Variants in DLC1 observed in about 807,000 individuals in gnomAD.
The protein encoded by DLC1 is rho GTPase-activating protein 7.
DLC1 carries 54 observed loss-of-function variants against 140.3 expected under a neutral mutation model. The ratio of observed to expected loss-of-function variants is 0.38; its 90% confidence interval spans 0.31 to 0.48. The LOEUF (loss-of-function observed/expected upper bound fraction) is 0.48. DLC1 is among the 20% of genes least tolerant of loss of function. The probability of loss-of-function intolerance (pLI) is 0.96; values close to 1 mark genes in which losing one functional copy is unlikely to be tolerated. For synonymous variants in DLC1, 986 were observed against 728.1 expected (o/e 1.35, Z -5.70); for missense variants, 2,536 against 1,907.0 (o/e 1.33, Z -6.14).
intron 1 of DLC1, among the ~76,000 whole-genome samples, chr8:13,551,165 G>T (rs557422969): frequency 6.8e-6 from 1 of 147,952 alleles, no homozygotes; most frequent in Non-Finnish European, 1.5e-5. Context: ...CCCTTACTTT[G>T]CAAAACTATA....
intron 2 of DLC1, among the ~76,000 whole-genome samples, chr8:13,404,443 G>C (rs1354294547): frequency 2.0e-5 from 3 of 152,110 alleles, no homozygotes; most frequent in Non-Finnish European, 4.4e-5. Flanking sequence ...GGGGTAGGGG[G>C]CCAGAAGGAT....
At chr8:13,467,311 A>G (rs1585158018) in intron 2 of DLC1, among the ~76,000 whole-genome samples, 1 of 152,288 alleles carries the variant, frequency 6.6e-6, no homozygotes, top group East Asian at 1.9e-4. Context: ...AGTTGAAGAG[A>G]GACAATGATA....
At chr8:13,390,936 G>T (rs956479460) in intron 4 of DLC1, among the ~76,000 whole-genome samples, 32 of 145,986 alleles carry the variant, frequency 2.2e-4, no homozygotes, top group African/African-American at 7.9e-4. Flanking sequence ...AGTGAGCTGA[G>T]ATTGCACCAC....
At chr8:13,163,849 A>G (rs1824901121) in intron 5 of DLC1, among the ~76,000 whole-genome samples, 1 of 151,754 alleles carries the variant, frequency 6.6e-6, no homozygotes, top group African/African-American at 2.4e-5. Context: ...CAACAGAATA[A>G]CCCCAAAATT....
At chr8:13,442,233 C>G (rs982464774) in intron 2 of DLC1, among the ~76,000 whole-genome samples, 1 of 152,138 alleles carries the variant, frequency 6.6e-6, no homozygotes, top group Non-Finnish European at 1.5e-5. Flanking sequence ...AAATGTTAGA[C>G]CTAAAACCCT....
chr8:13,546,818 T>C (rs971683712), intron 1 of DLC1, among the ~76,000 whole-genome samples: 2 of 152,122 alleles, frequency 1.3e-5, no homozygotes, highest in African/African-American at 4.8e-5. Context: ...CACTCATCAA[T>C]CACGGTTTCT....
intron 1 of DLC1, among the ~76,000 whole-genome samples, chr8:13,598,917 TA>T (rs989513469): frequency 1.3e-5 from 2 of 151,592 alleles, no homozygotes; most frequent in Non-Finnish European, 2.9e-5. Flanking sequence ...TTATTCTAAA[TA>T]AAAAAATGAA....
intron 12 of DLC1, 101 bp downstream of exon 12, chr8:13,094,658 T>C: frequency 7.5e-7 from 1 of 1,335,470 alleles, no homozygotes. Flanking sequence ...AGAGCGAGAC[T>C]CCATCTCAAA....
At chr8:13,209,053 TTTTCTAACTAGATTC>T (rs1306855366) in intron 5 of DLC1, among the ~76,000 whole-genome samples, 24 of 152,268 alleles carry the variant, frequency 1.6e-4, no homozygotes, top group African/African-American at 5.8e-4. Flanking sequence ...TGACTTTGAT[TTTTCTAACTAGATTC>T]TTTCTAAAGC....
intron 1 of DLC1, among the ~76,000 whole-genome samples, chr8:13,571,426 G>C (rs982877597): frequency 1.3e-5 from 2 of 152,098 alleles, no homozygotes; most frequent in African/African-American, 4.8e-5. Flanking sequence ...CTATAAATTT[G>C]CTTATTTGAG....
intron 4 of DLC1, among the ~76,000 whole-genome samples, chr8:13,361,232 A>T (rs1373516502): frequency 1.2e-4 from 19 of 152,076 alleles, no homozygotes; most frequent in Non-Finnish European, 1.5e-5. Flanking sequence ...ACCTTGTCTC[A>T]GAAAAACAAT....
chr8:13,374,586 C>A (rs1223932852), intron 4 of DLC1, among the ~76,000 whole-genome samples: 2 of 152,114 alleles, frequency 1.3e-5, no homozygotes, highest in African/African-American at 4.8e-5. Context: ...AGTTTGAGAC[C>A]CGCGTGGCCA....
At chr8:13,275,772 C>A (rs2117402313) in intron 5 of DLC1, among the ~76,000 whole-genome samples, 1 of 152,294 alleles carries the variant, frequency 6.6e-6, no homozygotes, top group Middle Eastern at 3.4e-3. Context: ...AGAGGAAATA[C>A]CAGCAGGCTT....
intron 5 of DLC1, among the ~76,000 whole-genome samples, chr8:13,226,768 C>T (rs1208054921): frequency 1.3e-5 from 2 of 152,312 alleles, no homozygotes; most frequent in Admixed American, 6.5e-5. Flanking sequence ...TGCCACACAT[C>T]ACTGTAAGTT....
At chr8:13,519,166 C>T (rs1296498566), upstream of DLC1, among the ~76,000 whole-genome samples, 7 of 142,942 alleles carry the variant, frequency 4.9e-5, no homozygotes, top group African/African-American at 1.0e-4. Flanking sequence ...CTCACTCTGT[C>T]GCCCAGGATG....
chr8:13,235,447 C>G (rs556890802), intron 5 of DLC1, among the ~76,000 whole-genome samples: 65 of 152,178 alleles, frequency 4.3e-4, no homozygotes, highest in African/African-American at 1.5e-3. Context: ...TTCAATATCT[C>G]TCTTCGCTTT....
intron 2 of DLC1, among the ~76,000 whole-genome samples, chr8:13,428,948 C>G (rs971000123): frequency 6.6e-6 from 1 of 152,184 alleles, no homozygotes; most frequent in Non-Finnish European, 1.5e-5. Context: ...GGCATAATCT[C>G]TGCCTAAATA....
chr8:13,460,855 C>G (rs1799623091), intron 2 of DLC1, among the ~76,000 whole-genome samples: 1 of 152,210 alleles, frequency 6.6e-6, no homozygotes, highest in African/African-American at 2.4e-5. Context: ...GTTTTCTTTC[C>G]TCTATGGAGT....
intron 2 of DLC1, among the ~76,000 whole-genome samples, chr8:13,408,164 A>G (rs554528361): frequency 6.6e-6 from 1 of 152,114 alleles, no homozygotes; most frequent in Non-Finnish European, 1.5e-5. Flanking sequence ...AACAACAACT[A>G]TTTCCTGTTT....
Sources: gnomAD v4.1 joint callset for allele counts (sites outside exome capture counted in the v4.1 genomes callset) on GRCh38, gnomAD v4.1.1 for gene constraint, MANE v1.5 for transcripts, NCBI Gene and HGNC (gene_info 2026-07-23, HGNC 2026-07-21) for gene names.